PAAF1: variants seen among roughly 807,000 people sequenced by gnomAD.
PAAF1 encodes the protein proteasomal ATPase associated factor 1, also known as proteasomal ATPase-associated factor 1.
In PAAF1, 46 loss-of-function variants were observed where a neutral mutation model predicts 52.8. The observed-to-expected ratio is 0.87, with a 90% CI of 0.69 to 1.11. The LOEUF (loss-of-function observed/expected upper bound fraction) is 1.11, where lower values mean the gene tolerates loss of function less well. PAAF1 is among the 50% of genes most tolerant of loss of function. The pLI, the probability that PAAF1 is intolerant of heterozygous loss-of-function variation, is 0.00. For missense variants in PAAF1, 424 were observed against 477.4 expected (o/e 0.89, Z 1.04); for synonymous variants, 178 against 172.8 (o/e 1.03, Z -0.24).
At chr11:73,898,487 A>G (rs1473103427) in intron 4 of PAAF1, among the ~76,000 whole-genome samples, 1 of 151,974 alleles carries the variant, frequency 6.6e-6, no homozygotes, top group African/African-American at 2.4e-5. Context: ...GAGTGTTGGG[A>G]TTACACAGGT....
chr11:73,876,907 C>G, upstream of PAAF1: 3 of 1,092,226 alleles, frequency 2.7e-6, no homozygotes, highest in Non-Finnish European at 3.7e-6. Context: ...GAAAAAGTCA[C>G]GTTTTCATTG....
rs184464246 is a variant in PAAF1 at position 73,908,849 on chromosome 11, C to T, written c.533-550C>T. Among the ~76,000 whole-genome samples the T allele has an allele frequency of 1.5e-3, 231 of 151,424 alleles. 2 individuals carry two copies. Among genetic ancestry groups the T allele is most frequent in the African/African-American group, 5.4e-3 (223 of 41,198 alleles). ...TCTGTTGAAGGCTGGAGTGCAGTGG[C>T]GTGATCTCGGGTCACTGCAACCTAC... On this transcript the variant is annotated intron_variant, in intron 6 of 11. Transcript: ENST00000310571.
intron 6 of PAAF1, among the ~76,000 whole-genome samples, chr11:73,903,969 A>G (rs1949693000): frequency 6.6e-6 from 1 of 151,720 alleles, no homozygotes; most frequent in Non-Finnish European, 1.5e-5. Context: ...CTGTAATCCC[A>G]GCTACTTGGA....
At chr11:73,926,803 G>C (rs1950374407) in intron 11 of PAAF1, among the ~76,000 whole-genome samples, 1 of 152,190 alleles carries the variant, frequency 6.6e-6, no homozygotes, top group Non-Finnish European at 1.5e-5. Context: ...CTGGGGGGTT[G>C]AGAAAGTTGC....
rs552448149 is a variant in PAAF1, at chr11:73,881,771, A to T, written c.88+2952A>T. 3.9e-5 allele frequency among the ~76,000 whole-genome samples: 6 copies of T among 152,046 alleles called. No homozygotes were observed. In the East Asian group the frequency reaches 1.2e-3, roughly 29 times the overall value. On this transcript the variant is annotated intron_variant, in intron 2 of 11. Transcript: ENST00000310571. ...GCCCAGGCTGGAGTGCAGTGGTGCAATCTTGGCTCACTGCAACCTCTGCCT... is the reference window on the plus strand; with the variant it reads ...GCCCAGGCTGGAGTGCAGTGGTGCATTCTTGGCTCACTGCAACCTCTGCCT...
intron 2 of PAAF1, chr11:73,887,026 A>G: frequency 2.2e-6 from 1 of 453,770 alleles, no homozygotes; most frequent in Non-Finnish European, 4.4e-6. Context: ...TCCTTCTGCC[A>G]TGAGTGGAAG....
intron 4 of PAAF1, among the ~76,000 whole-genome samples, chr11:73,894,290 C>A (rs1426980547): frequency 1.3e-5 from 2 of 152,114 alleles, no homozygotes; most frequent in Non-Finnish European, 2.9e-5. Flanking sequence ...ATCACTTGAG[C>A]CCAGGAGTTT....
upstream of PAAF1, chr11:73,876,738 C>A (rs892293345): frequency 6.3e-6 from 2 of 318,538 alleles, no homozygotes; most frequent in Non-Finnish European, 1.1e-5. Flanking sequence ...TCCTGAAGAA[C>A]GCGGTACGCG....
chr11:73,899,298 G>A (rs910327044), intron 5 of PAAF1, 54 bp downstream of exon 5: 3 of 1,364,060 alleles, frequency 2.2e-6, no homozygotes, highest in Non-Finnish European at 3.1e-6. Context: ...GGTCTGAGAA[G>A]CCTTGGACTG....
intron 4 of PAAF1, among the ~76,000 whole-genome samples, chr11:73,891,479 T>C (rs1949200608): frequency 2.0e-5 from 3 of 152,132 alleles, no homozygotes; most frequent in Admixed American, 6.6e-5. Flanking sequence ...GATAATGATA[T>C]AATACTTGAT....
chr11:73,890,766 A>G (rs1465486649), intron 3 of PAAF1, among the ~76,000 whole-genome samples: 1 of 152,176 alleles, frequency 6.6e-6, no homozygotes, highest in African/African-American at 2.4e-5. Context: ...TCCTTGCCCC[A>G]CTGCTAATTG....
intron 2 of PAAF1, among the ~76,000 whole-genome samples, chr11:73,881,921 C>G (rs932914832): frequency 1.3e-5 from 2 of 152,062 alleles, no homozygotes; most frequent in African/African-American, 4.8e-5. Context: ...GTTGTCCAGG[C>G]TGAAGTGCAA....
chr11:73,913,966 C>G (rs1949998796), intron 7 of PAAF1, among the ~76,000 whole-genome samples: 1 of 152,100 alleles, frequency 6.6e-6, no homozygotes, highest in Admixed American at 6.6e-5. Context: ...GGGAGGATTG[C>G]TTGCACCCAG....
chr11:73,911,446 G>T (rs1042980189), intron 7 of PAAF1, among the ~76,000 whole-genome samples: 1 of 151,926 alleles, frequency 6.6e-6, no homozygotes, highest in African/African-American at 2.4e-5. Context: ...GCCTCCCAAA[G>T]TGCTAGGATT....
chr11:73,898,455 A>C (rs1390447129), intron 4 of PAAF1, among the ~76,000 whole-genome samples: 2 of 152,054 alleles, frequency 1.3e-5, no homozygotes, highest in East Asian at 3.9e-4. Flanking sequence ...GGCTCAAGTA[A>C]TCTTCCTGCC....
chr11:73,900,554 T>C (rs779964806), intron 6 of PAAF1, 134 bp downstream of exon 6: 28 of 1,006,044 alleles, frequency 2.8e-5, no homozygotes, highest in Non-Finnish European at 3.5e-5. Flanking sequence ...TGAGCTGCCA[T>C]TTCCCTAAGG....
chr11:73,879,979 C>G (rs1171109231), intron 2 of PAAF1: 1 of 151,826 alleles, frequency 6.6e-6, no homozygotes, highest in African/African-American at 2.4e-5. Context: ...GGGGCTCATA[C>G]CTGTCATCCA....
Position 73,877,057 on chromosome 11 carries a change from G to C in PAAF1, c.36G>C (p.Ala12=). ...AAPLRIQSDW[A]QALRKDEGEA... is the part of the protein sequence containing the mutation. ...CTTTGAGGATTCAGAGCGACTGGGC[G>C]CAAGCCCTCAGGTGAATCCAGGCCC... Residue 12 remains alanine, a synonymous_variant, in exon 1 of 12, where the codon GCG becomes GCC. Coordinates refer to ENST00000310571, the MANE Select transcript of PAAF1 (RefSeq NM_025155.3). 1.3e-6 allele frequency: 2 copies of C among 1,538,448 alleles called. No homozygotes were observed. The highest frequency in any genetic ancestry group is 1.4e-5 in the African/African-American group (1 of 72,780).
chr11:73,878,879 A>G, intron 2 of PAAF1, 60 bp downstream of exon 2: 4 of 1,518,390 alleles, frequency 2.6e-6, no homozygotes, highest in Non-Finnish European at 3.6e-6. Context: ...TACCCTTAAA[A>G]GAAAGCTTCC....
Sources: allele counts gnomAD v4.1 joint callset (sites outside exome capture counted in the v4.1 genomes callset), GRCh38; gene constraint gnomAD v4.1.1; transcripts MANE v1.5; gene names NCBI Gene and HGNC (gene_info 2026-07-23, HGNC 2026-07-21).